The following AGTR1 variants were observed in gnomAD, a reference collection of about 807,000 sequenced individuals.
AGTR1 encodes type-1 angiotensin II receptor.
A neutral mutation model predicts 19.4 loss-of-function variants in AGTR1; 16 were observed. That is an observed-to-expected ratio of 0.82 (90% confidence interval 0.56 to 1.25). The LOEUF (loss-of-function observed/expected upper bound fraction) is 1.25. AGTR1 is among the 50% of genes most tolerant of loss of function. AGTR1 has a pLI of 0.00. For missense variants in AGTR1, 373 were observed against 431.9 expected (o/e 0.86, Z 1.21); for synonymous variants, 153 against 154.9 (o/e 0.99, Z 0.09).
In AGTR1 at chr3:148,717,419, G is replaced by A. The variant is rs187764826; in HGVS notation, c.-48+9392G>A. Reference sequence around the variant, plus strand: ...GCAACTCAAATTTGGGAGTAATTCCGACACCTAGGTTCCAACCATTTTTCT... The same window carrying A: ...GCAACTCAAATTTGGGAGTAATTCCAACACCTAGGTTCCAACCATTTTTCT... On this transcript the variant is annotated intron_variant, in intron 2 of 2. Transcript: ENST00000349243. Among the ~76,000 whole-genome samples, 11 of 152,124 alleles carry A rather than the reference G, an allele frequency of 7.2e-5. No individual in the cohort carries two copies. In the East Asian group the frequency reaches 2.1e-3, roughly 29 times the overall value.
At chr3:148,737,345 T>A (rs1053684468) in intron 2 of AGTR1, among the ~76,000 whole-genome samples, 2 of 152,084 alleles carry the variant, frequency 1.3e-5, no homozygotes, top group African/African-American at 2.4e-5. Flanking sequence ...CTGGCTGGTT[T>A]CCAGGTGCCA....
At chr3:148,709,802 A>C (rs1056183603) in intron 2 of AGTR1, among the ~76,000 whole-genome samples, 1 of 152,200 alleles carries the variant, frequency 6.6e-6, no homozygotes, top group Non-Finnish European at 1.5e-5. Flanking sequence ...AGTGATATGT[A>C]AACAGCACTT....
chr3:148,731,978 A>G (rs1714280121), intron 2 of AGTR1, among the ~76,000 whole-genome samples: 1 of 152,228 alleles, frequency 6.6e-6, no homozygotes, highest in South Asian at 2.1e-4. Flanking sequence ...CTTCTCTTGA[A>G]GTTCTCTTAT....
At chr3:148,700,390 A>G (rs556712847) in intron 1 of AGTR1, among the ~76,000 whole-genome samples, 3 of 152,210 alleles carry the variant, frequency 2.0e-5, no homozygotes, top group South Asian at 2.1e-4. Flanking sequence ...GTCTGCTGTC[A>G]TTTTATCTGT....
chr3:148,730,597 G>T, intron 2 of AGTR1: 1 of 165,576 alleles, frequency 6.0e-6, no homozygotes, highest in Non-Finnish European at 1.3e-5. Context: ...TTGTTGGATT[G>T]GTTTTGCCTG....
chr3:148,704,634 A>G (rs1712565216), intron 1 of AGTR1, among the ~76,000 whole-genome samples: 1 of 152,198 alleles, frequency 6.6e-6, no homozygotes, highest in African/African-American at 2.4e-5. Context: ...TAACCAGTCA[A>G]TGCTCAAGCC....
At chr3:148,729,543 A>G (rs1247308944) in intron 2 of AGTR1, among the ~76,000 whole-genome samples, 2 of 152,192 alleles carry the variant, frequency 1.3e-5, no homozygotes, top group African/African-American at 4.8e-5. Flanking sequence ...ACATCTGGTA[A>G]CTCATTTATT....
intron 2 of AGTR1, among the ~76,000 whole-genome samples, chr3:148,729,616 A>T (rs1299109588): frequency 6.6e-6 from 1 of 152,198 alleles, no homozygotes; most frequent in Non-Finnish European, 1.5e-5. Context: ...TCAGTTGGCA[A>T]AGTGTTGTTT....
At chr3:148,724,205 C>G (rs556979176) in intron 2 of AGTR1, among the ~76,000 whole-genome samples, 1 of 152,274 alleles carries the variant, frequency 6.6e-6, no homozygotes, top group South Asian at 2.1e-4. Flanking sequence ...CCCGTGGCCC[C>G]CCTCCAAGAA....
At chr3:148,736,412 A>G (rs955551427) in intron 2 of AGTR1, among the ~76,000 whole-genome samples, 8 of 152,206 alleles carry the variant, frequency 5.3e-5, no homozygotes, top group African/African-American at 1.9e-4. Flanking sequence ...CAATGGAAGG[A>G]ACTTACCTAT....
intron 2 of AGTR1, among the ~76,000 whole-genome samples, chr3:148,718,187 A>G (rs188598470): frequency 6.6e-6 from 1 of 152,224 alleles, no homozygotes; most frequent in Non-Finnish European, 1.5e-5. Context: ...CCTGGCAACA[A>G]ATGTAGCCAC....
chr3:148,737,771 G>A (rs2107969615), intron 2 of AGTR1, among the ~76,000 whole-genome samples: 1 of 152,194 alleles, frequency 6.6e-6, no homozygotes, highest in South Asian at 2.1e-4. Flanking sequence ...GGGAGTTCTG[G>A]TCATTATACA....
intron 2 of AGTR1, among the ~76,000 whole-genome samples, chr3:148,724,760 A>T (rs12695893): frequency 0.013 from 1,934 of 152,312 alleles, 36 homozygotes; most frequent in African/African-American, 0.043. Flanking sequence ...CATGTAATTT[A>T]TCTAGGGAAT....
At chr3:148,723,101 A>C (rs1468322597) in intron 2 of AGTR1, among the ~76,000 whole-genome samples, 1 of 152,188 alleles carries the variant, frequency 6.6e-6, no homozygotes, top group African/African-American at 2.4e-5. Flanking sequence ...GAAATACTCC[A>C]TATTCATCCA....
rs1482640130 is a variant in AGTR1, at chr3:148,741,695, G to A, written c.660G>A (p.Lys220=). 2 of 1,613,970 alleles carry A rather than the reference G, an allele frequency of 1.2e-6. No homozygotes were observed. Among genetic ancestry groups the A allele is most frequent in the South Asian group, 1.1e-5 (1 of 91,078 alleles). Reference sequence around the variant, plus strand: ...TTACAAGTTATACTCTTATTTGGAAGGCCCTAAAGAAGGCTTATGAAATTC... The same window carrying A: ...TTACAAGTTATACTCTTATTTGGAAAGCCCTAAAGAAGGCTTATGAAATTC... ...IILTSYTLIW[K]ALKKAYEIQK... Residue 220 remains lysine, a synonymous_variant, in exon 3 of 3, where the codon AAG becomes AAA. Transcript: ENST00000349243.
At chr3:148,736,154 A>G (rs908796308) in intron 2 of AGTR1, among the ~76,000 whole-genome samples, 1 of 152,192 alleles carries the variant, frequency 6.6e-6, no homozygotes, top group Non-Finnish European at 1.5e-5. Context: ...GCATTCTTAG[A>G]ATAAAAAAAG....
intron 1 of AGTR1, among the ~76,000 whole-genome samples, chr3:148,704,404 A>AT (rs1166310067): frequency 6.6e-6 from 1 of 151,436 alleles, no homozygotes; most frequent in African/African-American, 2.4e-5. Context: ...TGATATCTCT[A>AT]TTTTTTCCCA....
intron 1 of AGTR1, among the ~76,000 whole-genome samples, chr3:148,703,503 C>T (rs1576522489): frequency 6.6e-6 from 1 of 152,192 alleles, no homozygotes; most frequent in Non-Finnish European, 1.5e-5. Flanking sequence ...TTATTGAGTA[C>T]ATAAATGTGC....
At chr3:148,711,604 G>A (rs546067970) in intron 2 of AGTR1, among the ~76,000 whole-genome samples, 1 of 151,812 alleles carries the variant, frequency 6.6e-6, no homozygotes, top group Admixed American at 6.6e-5. Context: ...GGAAACATGT[G>A]TACTCCAAAT....
Sources: gnomAD v4.1 joint callset for allele counts (sites outside exome capture counted in the v4.1 genomes callset) on GRCh38, gnomAD v4.1.1 for gene constraint, MANE v1.5 for transcripts, NCBI Gene and HGNC (gene_info 2026-07-23, HGNC 2026-07-21) for gene names.